CCDC138: variants seen among roughly 807,000 people sequenced by gnomAD.
CCDC138 encodes the protein coiled-coil domain-containing protein 138.
In CCDC138, 66 loss-of-function variants were observed where a neutral mutation model predicts 82.3. That is an observed-to-expected ratio of 0.80 (90% CI 0.66 to 0.98). The LOEUF is 0.98. Ranked by LOEUF, CCDC138 falls within the 50% of genes least tolerant of loss-of-function variation. The pLI, the probability that CCDC138 is intolerant of heterozygous loss-of-function variation, is 0.00. For synonymous variants in CCDC138, 297 were observed against 265.4 expected (o/e 1.12, Z -1.16); for missense variants, 816 against 758.9 (o/e 1.08, Z -0.88).
chr2:108,800,415 C>T (rs1214657232), intron 6 of CCDC138, among the ~76,000 whole-genome samples: 2 of 151,990 alleles, frequency 1.3e-5, no homozygotes, highest in African/African-American at 4.8e-5. Context: ...CAGGCGCCCA[C>T]CACCATGCCC....
chr2:108,877,322 G>T (rs1049528318), downstream of CCDC138, among the ~76,000 whole-genome samples: 1 of 151,468 alleles, frequency 6.6e-6, no homozygotes, highest in South Asian at 2.1e-4. Context: ...AACAGAATTA[G>T]CCAGGCGGTG....
At chr2:108,857,515 G>T (rs1692823295) in intron 13 of CCDC138, among the ~76,000 whole-genome samples, 1 of 152,128 alleles carries the variant, frequency 6.6e-6, no homozygotes, top group Non-Finnish European at 1.5e-5. Context: ...TCTGACTCTA[G>T]ACCTAAGGCT....
chr2:108,876,068 T>C lies in CCDC138; in HGVS notation c.1833-20T>C, dbSNP rs1695985847. The C allele has an allele frequency of 6.7e-7, 1 of 1,483,026 alleles. No individual in the cohort carries two copies. 91.9% of individuals were successfully genotyped at this position (1,483,026 alleles called of 1,614,324 possible). ...TCTCTAAGTATGTGTAATTAAATAATGTATTCATTTTTTTTACAGGAGTAA... is the reference window on the plus strand; with the variant it reads ...TCTCTAAGTATGTGTAATTAAATAACGTATTCATTTTTTTTACAGGAGTAA... On this transcript the variant is annotated intron_variant, in intron 14 of 14. Transcript: ENST00000295124.
chr2:108,835,968 A>G (rs1688504926), intron 10 of CCDC138, among the ~76,000 whole-genome samples: 2 of 152,296 alleles, frequency 1.3e-5, no homozygotes, highest in African/African-American at 4.8e-5. Flanking sequence ...GTGGAAGAGC[A>G]GGAGAAAGGG....
intron 1 of CCDC138, 142 bp from the exon 2 acceptor site, chr2:108,787,890 G>T (rs909983019): frequency 8.4e-6 from 6 of 712,076 alleles, no homozygotes; most frequent in Non-Finnish European, 1.1e-5. Context: ...GATGATATTA[G>T]TTTTGATCAC....
downstream of CCDC138, chr2:108,878,425 A>G: frequency 4.6e-6 from 1 of 215,970 alleles, no homozygotes; most frequent in South Asian, 7.9e-5. Flanking sequence ...GTACAGTTCC[A>G]AGAGGAGACA....
At chr2:108,822,191 C>T (rs1413424160) in intron 10 of CCDC138, among the ~76,000 whole-genome samples, 1 of 151,958 alleles carries the variant, frequency 6.6e-6, no homozygotes, top group Non-Finnish European at 1.5e-5. Flanking sequence ...TACTTTACGT[C>T]AAAAACTGTT....
intron 10 of CCDC138, among the ~76,000 whole-genome samples, chr2:108,823,850 A>AACTAATT (rs1686117250): frequency 6.6e-6 from 1 of 152,044 alleles, no homozygotes; most frequent in Non-Finnish European, 1.5e-5. Context: ...GGTGGCGGGC[A>AACTAATT]TCTGTAATCC....
chr2:108,807,763 G>A (rs893806332), intron 7 of CCDC138, among the ~76,000 whole-genome samples: 7 of 151,882 alleles, frequency 4.6e-5, no homozygotes, highest in Admixed American at 3.3e-4. Flanking sequence ...GATTACAGGC[G>A]CCCACCACCA....
chr2:108,829,152 C>T (rs578126570), intron 10 of CCDC138, among the ~76,000 whole-genome samples: 74 of 152,134 alleles, frequency 4.9e-4, no homozygotes, highest in South Asian at 2.3e-3. Context: ...TGAACTTCAT[C>T]AAAATTAAAA....
intron 6 of CCDC138, 25 bp downstream of exon 6, chr2:108,798,611 G>T: frequency 1.3e-6 from 2 of 1,524,000 alleles, no homozygotes; most frequent in South Asian, 2.4e-5. Context: ...TTTGATTTTA[G>T]AGTGGTATAT....
rs74338732 is a variant in CCDC138 at position 108,829,917 on chromosome 2, T to C, written c.1207-9268T>C. Among the ~76,000 whole-genome samples, 37 of 152,302 alleles carry C rather than the reference T, an allele frequency of 2.4e-4. 1 individual carries two copies. The East Asian group carries it at 6.7e-3, about 28-fold the overall frequency. On this transcript the variant is annotated intron_variant, in intron 10 of 14. Coordinates refer to ENST00000295124, the MANE Select transcript of CCDC138 (RefSeq NM_144978.3). ...GAATTACCTTATGCAGTTTTACTTC[T>C]GGATATATATTCAAAATAATTGAAA...
At chr2:108,799,565 T>C (rs1304071116) in intron 6 of CCDC138, among the ~76,000 whole-genome samples, 1 of 152,242 alleles carries the variant, frequency 6.6e-6, no homozygotes, top group Non-Finnish European at 1.5e-5. Context: ...TTTTTCTTTA[T>C]CTTTGGTTTT....
intron 12 of CCDC138, among the ~76,000 whole-genome samples, chr2:108,853,852 C>CTA (rs1196864340): frequency 1.6e-5 from 2 of 121,556 alleles, no homozygotes; most frequent in East Asian, 2.2e-4. Flanking sequence ...TATATATATA[C>CTA]TATATATATA....
chr2:108,874,819 T>A (rs1479141428), intron 14 of CCDC138, among the ~76,000 whole-genome samples: 1 of 152,174 alleles, frequency 6.6e-6, no homozygotes, highest in Non-Finnish European at 1.5e-5. Context: ...TTCTCTTGAT[T>A]TCAGTAAATT....
chr2:108,814,060 C>T (rs1184211014), intron 9 of CCDC138, among the ~76,000 whole-genome samples: 1 of 152,080 alleles, frequency 6.6e-6, no homozygotes, highest in Non-Finnish European at 1.5e-5. Context: ...TATTGGTGTA[C>T]AGAGTTTTTA....
intron 7 of CCDC138, among the ~76,000 whole-genome samples, chr2:108,810,526 T>C (rs1447077257): frequency 2.6e-5 from 4 of 152,340 alleles, no homozygotes; most frequent in African/African-American, 9.6e-5. Flanking sequence ...TTGGTTATGG[T>C]ATATTATCTT....
intron 13 of CCDC138, among the ~76,000 whole-genome samples, chr2:108,863,353 G>A (rs1693921329): frequency 6.6e-6 from 1 of 152,136 alleles, no homozygotes; most frequent in Non-Finnish European, 1.5e-5. Context: ...AAATACAATG[G>A]GAAGGTTTAT....
chr2:108,815,284 A>G lies in CCDC138; in HGVS notation c.1042-657A>G, dbSNP rs147752598. On this transcript the variant is annotated intron_variant, in intron 9 of 14. Coordinates refer to ENST00000295124, the MANE Select transcript of CCDC138 (RefSeq NM_144978.3). ...TTTAATTGTGGTGATTCATGCTCTT[A>G]AGTTAAGGCTAATTTTACTTTTTTT... Among the ~76,000 whole-genome samples, 622 of 152,066 alleles carry G rather than the reference A, an allele frequency of 4.1e-3. 7 individuals carry two copies. The highest frequency in any genetic ancestry group is 0.014 in the African/African-American group (602 of 41,530).
Sources: allele counts gnomAD v4.1 joint callset (sites outside exome capture counted in the v4.1 genomes callset), GRCh38; gene constraint gnomAD v4.1.1; transcripts MANE v1.5; gene names NCBI Gene and HGNC (gene_info 2026-07-23, HGNC 2026-07-21).